The following ESRRG variants were observed in gnomAD, a reference collection of about 807,000 sequenced individuals.
ESRRG encodes the protein estrogen-related receptor gamma.
In ESRRG, 13 loss-of-function variants were observed where a neutral mutation model predicts 44.0. That is an observed-to-expected ratio of 0.30 (90% CI 0.19 to 0.47). The LOEUF (loss-of-function observed/expected upper bound fraction) is 0.47. Ranked by LOEUF, ESRRG falls within the 20% of genes least tolerant of loss-of-function variation. ESRRG has a pLI of 1.00. For missense variants in ESRRG, 395 were observed against 580.6 expected, an observed-to-expected ratio of 0.68 and a Z score of 3.29; for synonymous variants, 215 against 214.6, an observed-to-expected ratio of 1.00 and a Z score of -0.02.
intron 5 of ESRRG, among the ~76,000 whole-genome samples, chr1:216,553,820 A>C (rs2056948420): frequency 6.6e-6 from 1 of 152,172 alleles, no homozygotes; most frequent in Non-Finnish European, 1.5e-5. Context: ...ATAGGAAAAA[A>C]AAATAACCTG....
chr1:216,702,608 CAAAA>C (rs61361041), intron 1 of ESRRG, among the ~76,000 whole-genome samples: 2 of 132,352 alleles, frequency 1.5e-5, no homozygotes, highest in Non-Finnish European at 3.1e-5. Flanking sequence ...ACTAAAAATA[CAAAA>C]AAAAAAAAAA....
chr1:216,827,957 A>G (rs1029276855), intron 2 of ESRRG, among the ~76,000 whole-genome samples: 1 of 152,208 alleles, frequency 6.6e-6, no homozygotes, highest in Non-Finnish European at 1.5e-5. Flanking sequence ...GTACTCACAT[A>G]CAAGAAAAAT....
chr1:217,120,235 G>A (rs2092801609), intron 1 of ESRRG, among the ~76,000 whole-genome samples: 1 of 151,812 alleles, frequency 6.6e-6, no homozygotes, highest in South Asian at 2.1e-4. Flanking sequence ...AACCATTCTT[G>A]ACACCTCCCT....
intron 2 of ESRRG, among the ~76,000 whole-genome samples, chr1:216,774,742 G>T (rs988569487): frequency 7.3e-5 from 11 of 149,898 alleles, no homozygotes; most frequent in Non-Finnish European, 1.5e-4. Context: ...GTCTAAAAAG[G>T]AATATAGAAA....
chr1:216,622,433 T>G (rs952256273), intron 3 of ESRRG, among the ~76,000 whole-genome samples: 1 of 152,212 alleles, frequency 6.6e-6, no homozygotes, highest in Non-Finnish European at 1.5e-5. Context: ...TTTTAGGCAT[T>G]CTCTGATCCT....
At chr1:216,927,043 A>G (rs2062686165) in intron 2 of ESRRG, among the ~76,000 whole-genome samples, 1 of 152,194 alleles carries the variant, frequency 6.6e-6, no homozygotes, top group Non-Finnish European at 1.5e-5. Context: ...TTATTAAAAG[A>G]CTAGATGCTT....
At chr1:216,579,792 C>T (rs1013541250) in intron 3 of ESRRG, among the ~76,000 whole-genome samples, 5 of 152,120 alleles carry the variant, frequency 3.3e-5, no homozygotes, top group East Asian at 1.9e-4. Context: ...CAGCTGAAGG[C>T]TAGATGTTGA....
rs1405844039 is a variant in ESRRG at position 216,506,228 on chromosome 1, T to C, written c.*711A>G. The C allele has an allele frequency of 6.3e-6, 1 of 159,202 alleles. No individual in the cohort carries two copies. Among genetic ancestry groups the C allele is most frequent in the Non-Finnish European group, 1.4e-5 (1 of 72,132 alleles). 9.9% of individuals were successfully genotyped at this position (159,202 alleles called of 1,614,324 possible). A position where few individuals can be genotyped will look rare whatever the true frequency, so the allele number is the denominator to read the frequency against. On this transcript the variant is annotated 3_prime_UTR_variant, in exon 7 of 7. Coordinates refer to ENST00000408911, the MANE Select transcript of ESRRG (RefSeq NM_001438.4). The stretch of plus-strand genomic sequence containing the variant: ...CCATGAAATCTAATACTGCACTCAG[T>C]CAATTTGTATATGTTGCACTGTACT...
intron 2 of ESRRG, among the ~76,000 whole-genome samples, chr1:216,652,373 T>A (rs2151076568): frequency 6.6e-6 from 1 of 152,306 alleles, no homozygotes; most frequent in East Asian, 1.9e-4. Flanking sequence ...TCATTAAATA[T>A]CACATTAGTG....
chr1:216,886,432 G>A (rs2096519098), intron 2 of ESRRG, among the ~76,000 whole-genome samples: 1 of 152,192 alleles, frequency 6.6e-6, no homozygotes, highest in African/African-American at 2.4e-5. Context: ...AGTAGAAGAT[G>A]TAGTCACAGA....
chr1:216,819,800 G>T (rs576331904), intron 2 of ESRRG, among the ~76,000 whole-genome samples: 3 of 152,196 alleles, frequency 2.0e-5, no homozygotes, highest in African/African-American at 7.2e-5. Context: ...CACCATTTTA[G>T]AAAATAAAGT....
At chr1:216,852,310 T>A (rs1182288293) in intron 2 of ESRRG, among the ~76,000 whole-genome samples, 4 of 152,142 alleles carry the variant, frequency 2.6e-5, no homozygotes, top group African/African-American at 7.2e-5. Flanking sequence ...AGAAGCACTA[T>A]TAGTTAATCA....
At chr1:216,818,655 G>A (rs142024507) in intron 2 of ESRRG, among the ~76,000 whole-genome samples, 6 of 151,972 alleles carry the variant, frequency 3.9e-5, no homozygotes, top group African/African-American at 1.4e-4. Context: ...GGATATGCAG[G>A]TTTGTTATAT....
intron 2 of ESRRG, among the ~76,000 whole-genome samples, chr1:216,749,552 T>TCAGCTGTTTAACAG (rs2091802932): frequency 6.6e-6 from 1 of 152,190 alleles, no homozygotes; most frequent in Admixed American, 6.6e-5. Context: ...TCTTTTGTCG[T>TCAGCTGTTTAACAG]CAGCTGTTTA....
rs200417733 is a variant in ESRRG, at chr1:217,133,639, C to T, written c.-230+4028G>A. ...TTTCTTTCTTTCTTTCTTTCTCTCT[C>T]TCTCTCTCTTTCTTTCTTTCTTTCT... is the stretch of plus-strand genomic sequence containing the variant. On this transcript the variant is annotated intron_variant, in intron 1 of 8. Transcript: ENST00000366940. 2.7e-3 allele frequency among the ~76,000 whole-genome samples: 242 copies of T among 91,152 alleles called. 1 individual carries two copies. The highest frequency in any genetic ancestry group is 6.7e-3 in the African/African-American group (208 of 31,230). The allele number at this position is 91,152 out of a possible 152,430, so 59.8% of individuals were successfully genotyped here. A position where few individuals can be genotyped will look rare whatever the true frequency, so the allele number is the denominator to read the frequency against.
In ESRRG at chr1:217,048,619, G is replaced by A. The variant is rs183491699; in HGVS notation, c.-106+40888C>T. Among the ~76,000 whole-genome samples the A allele has an allele frequency of 2.1e-3, 327 of 152,226 alleles. 4 individuals carry two copies. Among genetic ancestry groups the A allele is most frequent in the Non-Finnish European group, 5.7e-4 (39 of 68,016 alleles). The stretch of plus-strand genomic sequence containing the variant: ...CAAGAAGCTCTTGCATCCCAACTGG[G>A]TAGATAACTCTTGACTCAGAAGTTC... On this transcript the variant is annotated intron_variant, in intron 1 of 7. Coordinates refer to the ESRRG transcript ENST00000359162.
chr1:216,898,035 T>C (rs1238868470), intron 2 of ESRRG, among the ~76,000 whole-genome samples: 1 of 152,184 alleles, frequency 6.6e-6, no homozygotes, highest in Non-Finnish European at 1.5e-5. Flanking sequence ...AACCACCACT[T>C]CGCAAATTAT....
chr1:216,909,528 G>C (rs918234515), intron 2 of ESRRG, among the ~76,000 whole-genome samples: 2 of 152,058 alleles, frequency 1.3e-5, no homozygotes, highest in African/African-American at 4.8e-5. Flanking sequence ...TAGATAAAGT[G>C]TCACTCTCAC....
At chr1:216,854,305 C>T (rs868700994) in intron 2 of ESRRG, among the ~76,000 whole-genome samples, 8 of 126,016 alleles carry the variant, frequency 6.3e-5, no homozygotes, top group Non-Finnish European at 1.1e-4. Context: ...TGCAGTGAGT[C>T]GAGATCGCAC....
Sources: allele counts gnomAD v4.1 joint callset (sites outside exome capture counted in the v4.1 genomes callset), GRCh38; gene constraint gnomAD v4.1.1; transcripts MANE v1.5; gene names NCBI Gene and HGNC (gene_info 2026-07-23, HGNC 2026-07-21).